The following MBNL2 variants were observed in gnomAD, a reference collection of about 807,000 sequenced individuals.
MBNL2 encodes the protein muscleblind-like protein 2.
A neutral mutation model predicts 41.9 loss-of-function variants in MBNL2; 17 were observed. The ratio of observed to expected loss-of-function variants is 0.41; its 90% CI spans 0.28 to 0.61. MBNL2 has a LOEUF of 0.61. MBNL2 is among the 20% of genes least tolerant of loss of function. MBNL2 has a pLI of 0.35. For synonymous variants in MBNL2, 195 were observed against 182.9 expected (o/e 1.07, Z -0.53); for missense variants, 336 against 505.6 (o/e 0.66, Z 3.22).
rs1017806717 is a variant in MBNL2 at position 97,268,259 on chromosome 13, C to T, written c.-604-7373C>T. ...ACAGGCGTGCGCCACCATGCACGCCCGGCTAAATTTTTTTCTATTTTTTGT... is the reference window on the plus strand; with the variant it reads ...ACAGGCGTGCGCCACCATGCACGCCTGGCTAAATTTTTTTCTATTTTTTGT... On this transcript the variant is annotated intron_variant, in intron 1 of 8. Coordinates refer to ENST00000679496, the MANE Select transcript of MBNL2 (RefSeq NM_001382683.1). The surrounding 1 kb of genome is among the most constrained non-coding windows in gnomAD (Gnocchi z 4.6). Among the ~76,000 whole-genome samples, 3 of 152,108 alleles carry T rather than the reference C, an allele frequency of 2.0e-5. No individual in the cohort carries two copies. Among genetic ancestry groups the T allele is most frequent in the Admixed American group, 2.0e-4 (3 of 15,278 alleles).
rs73555795 is a variant in MBNL2 at position 97,268,971 on chromosome 13, C to G, written c.-604-6661C>G. On this transcript the variant is annotated intron_variant, in intron 1 of 8. Coordinates refer to ENST00000679496, the MANE Select transcript of MBNL2 (RefSeq NM_001382683.1). This position sits in a 1 kb window ranked among gnomAD's most constrained non-coding sequence, Gnocchi z 4.6. The stretch of plus-strand genomic sequence containing the variant: ...GGGGGCGCTGTTCCGGATGCAGGCC[C>G]GTGAGGAGGGCCTGCCGGAGGGTGG... Among the ~76,000 whole-genome samples the G allele has an allele frequency of 0.043, 6,560 of 152,200 alleles. 432 individuals are homozygous for G. The highest frequency in any genetic ancestry group is 0.14 in the African/African-American group (5,975 of 41,512).
intron 2 of MBNL2, among the ~76,000 whole-genome samples, chr13:97,278,896 C>A (rs1286135429): frequency 1.3e-5 from 2 of 152,266 alleles, no homozygotes; most frequent in South Asian, 2.1e-4. Flanking sequence ...AGTCTAAATA[C>A]CTGCTCAACC....
intron 1 of MBNL2, among the ~76,000 whole-genome samples, chr13:97,223,437 T>C (rs1380010717): frequency 6.6e-6 from 1 of 152,224 alleles, no homozygotes; most frequent in Non-Finnish European, 1.5e-5. Flanking sequence ...TTTTCCGTTT[T>C]AAATTTCTGC....
intron 1 of MBNL2, among the ~76,000 whole-genome samples, chr13:97,269,026 T>C (rs911166896): frequency 6.6e-6 from 1 of 152,116 alleles, no homozygotes; most frequent in Admixed American, 6.5e-5. Flanking sequence ...CAAGCTCATA[T>C]CCTTTTCCAG....
At chr13:97,233,145 A>ATATG (rs2042668128) in intron 1 of MBNL2, among the ~76,000 whole-genome samples, 1 of 81,828 alleles carries the variant, frequency 1.2e-5, no homozygotes, top group Non-Finnish European at 2.4e-5. Flanking sequence ...ATATATATAT[A>ATATG]TATATATATA....
At chr13:97,223,386 G>A (rs2152761845) in intron 1 of MBNL2, among the ~76,000 whole-genome samples, 1 of 152,302 alleles carries the variant, frequency 6.6e-6, no homozygotes, top group Admixed American at 6.5e-5. Flanking sequence ...CTTGGCCCAG[G>A]AGAAGGAAAG....
chr13:97,229,229 C>A (rs1024652031), intron 1 of MBNL2, among the ~76,000 whole-genome samples: 7 of 150,740 alleles, frequency 4.6e-5, no homozygotes, highest in Middle Eastern at 3.4e-3. Context: ...TTTCAGTGTT[C>A]TCAGAGTTCA....
intron 8 of MBNL2, among the ~76,000 whole-genome samples, chr13:97,375,237 C>T (rs1214908532): frequency 1.3e-5 from 2 of 152,232 alleles, no homozygotes; most frequent in Non-Finnish European, 2.9e-5. Flanking sequence ...GAGGCAGTGA[C>T]TCCCAAGGTC....
intron 1 of MBNL2, among the ~76,000 whole-genome samples, chr13:97,224,653 GTTGT>G (rs1338956652): frequency 3.7e-5 from 4 of 108,284 alleles, no homozygotes; most frequent in Admixed American, 9.1e-5. Flanking sequence ...AAAAAAAAAA[GTTGT>G]TTGTCTCTTG....
chr13:97,344,930 T>C (rs1161378397), intron 4 of MBNL2, among the ~76,000 whole-genome samples: 2 of 152,206 alleles, frequency 1.3e-5, no homozygotes, highest in Non-Finnish European at 2.9e-5. Flanking sequence ...AGCACCTTGG[T>C]AGGAGCCTGA....
At chr13:97,203,531 A>C in the MBNL2 span, among the ~76,000 whole-genome samples, 2 of 151,968 alleles carry the variant, frequency 1.3e-5, no homozygotes, top group African/African-American at 2.4e-5. Flanking sequence ...GCTTTCCTCT[A>C]CCTCAAAAGC....
rs186840615 is a variant in MBNL2, at chr13:97,338,456, C to A, written c.339+4016C>A. Among the ~76,000 whole-genome samples the A allele has an allele frequency of 5.9e-5, 9 of 152,308 alleles. No homozygotes were observed. The East Asian group carries it at 1.7e-3, about 29-fold the overall frequency. Reference sequence around the variant, plus strand: ...CAGTTCAATCAATGTACACAGTGTTCTGGCACCATGTCTGCACCAATAAAT... The same window carrying A: ...CAGTTCAATCAATGTACACAGTGTTATGGCACCATGTCTGCACCAATAAAT... On this transcript the variant is annotated intron_variant, in intron 3 of 8. Transcript: ENST00000679496.
intron 2 of MBNL2, among the ~76,000 whole-genome samples, chr13:97,302,333 T>C (rs1162514745): frequency 6.6e-6 from 1 of 152,228 alleles, no homozygotes. Flanking sequence ...TACAGAGCGT[T>C]ACCTCTGTAT....
At position 97,366,608 on chromosome 13, in the gene MBNL2, A is replaced by C; in HGVS notation, c.1048+1437A>C. 1 of 1,070,424 alleles carries C rather than the reference A, an allele frequency of 9.3e-7. No individual in the cohort carries two copies. Among genetic ancestry groups the C allele is most frequent in the Non-Finnish European group, 1.4e-6 (1 of 699,988 alleles). The allele number at this position is 1,070,424 out of a possible 1,614,324, so 66.3% of individuals were successfully genotyped here. A position where few individuals can be genotyped will look rare whatever the true frequency, so the allele number is the denominator to read the frequency against. On this transcript the variant is annotated intron_variant, in intron 8 of 8. Transcript: ENST00000679496. This position sits in a 1 kb window ranked among gnomAD's most constrained non-coding sequence, Gnocchi z 4.7. Reference sequence around the variant, plus strand: ...AATCCCAAACTCTAAATGAGTGCTGATATTTAAAAAAAAAATTCTCGGTGA... The same window carrying C: ...AATCCCAAACTCTAAATGAGTGCTGCTATTTAAAAAAAAAATTCTCGGTGA...
At position 97,346,655 on chromosome 13, in the gene MBNL2, G is replaced by C; in HGVS notation, c.541-149G>C. 1.7e-6 allele frequency: 1 copy of C among 597,892 alleles called. No homozygotes were observed. Among genetic ancestry groups the C allele is most frequent in the Non-Finnish European group, 2.9e-6 (1 of 343,284 alleles). 37.0% of individuals were successfully genotyped at this position (597,892 alleles called of 1,614,324 possible). On this transcript the variant is annotated intron_variant, in intron 4 of 8. Coordinates refer to ENST00000679496, the MANE Select transcript of MBNL2 (RefSeq NM_001382683.1). The surrounding 1 kb of genome is among the most constrained non-coding windows in gnomAD (Gnocchi z 4.2). The stretch of plus-strand genomic sequence containing the variant: ...CTGTGTCAGAGATTGTGGTTACCTG[G>C]GCTCCGCATAATCAATCTTTTCTTG...
chr13:97,163,148 C>T, the MBNL2 span, among the ~76,000 whole-genome samples: 1 of 152,204 alleles, frequency 6.6e-6, no homozygotes. Context: ...AGAAGCATTA[C>T]AGCATCAGGG....
At chr13:97,382,588 G>A (rs988933355) in intron 8 of MBNL2, among the ~76,000 whole-genome samples, 32 of 152,230 alleles carry the variant, frequency 2.1e-4, no homozygotes, top group Non-Finnish European at 3.5e-4. Context: ...ATAAAATCTC[G>A]GGCCTGCTTC....
rs1216914474 is a variant in MBNL2, at chr13:97,257,155, CT to C, written c.-604-18463del. Among the ~76,000 whole-genome samples the C allele has an allele frequency of 3.4e-3, 491 of 144,196 alleles. 2 individuals are homozygous for C. Among genetic ancestry groups the C allele is most frequent in the African/African-American group, 6.8e-3 (270 of 39,584 alleles). The allele number at this position is 144,196 out of a possible 152,430, so 94.6% of individuals were successfully genotyped here. A position where few individuals can be genotyped will look rare whatever the true frequency, so the allele number is the denominator to read the frequency against. On this transcript the variant is annotated intron_variant, in intron 1 of 8. Coordinates refer to ENST00000679496, the MANE Select transcript of MBNL2 (RefSeq NM_001382683.1). Reference sequence around the variant, plus strand: ...GTAAAAGGTATTATTCAGACCCTACCTTTTTTTTTTTTTTCTTCCTCATTTT... The same window carrying C: ...GTAAAAGGTATTATTCAGACCCTACCTTTTTTTTTTTTTCTTCCTCATTTT...
chr13:97,304,588 T>C (rs916488234), intron 2 of MBNL2, among the ~76,000 whole-genome samples: 1 of 152,198 alleles, frequency 6.6e-6, no homozygotes, highest in African/African-American at 2.4e-5. Context: ...AGACTTGATT[T>C]TGGATCCCAG....
Sources: allele counts gnomAD v4.1 joint callset (sites outside exome capture counted in the v4.1 genomes callset), GRCh38; gene constraint gnomAD v4.1.1; non-coding constraint Gnocchi (gnomAD v3.1); transcripts MANE v1.5; gene names NCBI Gene and HGNC (gene_info 2026-07-23, HGNC 2026-07-21).